The following EPHA4 variants were observed in gnomAD, a reference collection of about 807,000 sequenced individuals.
EPHA4 encodes the protein EPH receptor A4.
Under a neutral mutation model 108.3 loss-of-function variants are expected in EPHA4, and 19 were observed. That is an observed-to-expected ratio of 0.18 (90% CI 0.12 to 0.26). EPHA4 has a LOEUF of 0.26. Ranked by LOEUF, EPHA4 falls within the 10% of genes least tolerant of loss-of-function variation. The pLI is 1.00. For synonymous variants in EPHA4, 449 were observed against 455.5 expected (o/e 0.99, Z 0.18); for missense variants, 917 against 1,254.0 (o/e 0.73, Z 4.06).
At chr2:221,423,678 A>G (rs1442825852) in intron 17 of EPHA4, among the ~76,000 whole-genome samples, 1 of 152,174 alleles carries the variant, frequency 6.6e-6, no homozygotes, top group Non-Finnish European at 1.5e-5. Context: ...CTATTTCAGA[A>G]TGGACATGTT....
At chr2:221,566,557 T>C in intron 2 of EPHA4, among the ~76,000 whole-genome samples, 1 of 152,056 alleles carries the variant, frequency 6.6e-6, no homozygotes, top group East Asian at 1.9e-4. Flanking sequence ...TGACTAATTC[T>C]TTTATATACA....
chr2:221,435,735 C>T (rs955735371), intron 13 of EPHA4, among the ~76,000 whole-genome samples: 2 of 152,126 alleles, frequency 1.3e-5, no homozygotes, highest in Non-Finnish European at 2.9e-5. Context: ...TCACTGTGTC[C>T]TAATCCCCGC....
intron 16 of EPHA4, 75 bp from the exon 17 acceptor site, chr2:221,426,217 GA>G: frequency 1.5e-6 from 2 of 1,346,946 alleles, no homozygotes; most frequent in Non-Finnish European, 2.1e-6. Context: ...GCTTCATGCA[GA>G]CACACGTTTG....
intron 1 of EPHA4, among the ~76,000 whole-genome samples, chr2:221,570,117 C>T (rs1411138274): frequency 6.6e-6 from 1 of 151,596 alleles, no homozygotes; most frequent in Admixed American, 6.6e-5. Flanking sequence ...ACAATAAGAC[C>T]CAATTTACAA....
intron 5 of EPHA4, among the ~76,000 whole-genome samples, chr2:221,464,118 C>T (rs1691232776): frequency 6.6e-6 from 1 of 152,160 alleles, no homozygotes; most frequent in South Asian, 2.1e-4. Flanking sequence ...CCAGTGTTTG[C>T]AGGAGAGATG....
intron 3 of EPHA4, among the ~76,000 whole-genome samples, chr2:221,558,508 A>G (rs1694366281): frequency 6.6e-6 from 1 of 152,148 alleles, no homozygotes; most frequent in Admixed American, 6.5e-5. Context: ...CCTGCTTTGC[A>G]CAGCAGTAAC....
At chr2:221,565,030 T>C (rs1453984011) in intron 2 of EPHA4, among the ~76,000 whole-genome samples, 1 of 151,958 alleles carries the variant, frequency 6.6e-6, no homozygotes, top group Admixed American at 6.6e-5. Context: ...ATTTCTCAAA[T>C]ATGCTATCAT....
In EPHA4 at chr2:221,434,672, G is replaced by A. The variant is rs1284477362; in HGVS notation, c.2347-381C>T. 2.6e-5 allele frequency among the ~76,000 whole-genome samples: 4 copies of A among 152,160 alleles called. No individual in the cohort carries two copies. The East Asian group carries it at 7.7e-4, about 29-fold the overall frequency. ...GGATTCTCTCACCCAGGAGCACAAA[G>A]GAAGGCAATGCTTACACTGCTTCAA... On this transcript the variant is annotated intron_variant, in intron 13 of 17. Coordinates refer to ENST00000281821, the MANE Select transcript of EPHA4 (RefSeq NM_004438.5).
At chr2:221,459,287 C>T (rs529413882) in intron 5 of EPHA4, among the ~76,000 whole-genome samples, 20 of 142,110 alleles carry the variant, frequency 1.4e-4, no homozygotes, top group South Asian at 1.2e-3. Flanking sequence ...TGGTAACAGG[C>T]GCACACACAC....
chr2:221,561,428 A>G (rs1159645232), intron 3 of EPHA4, among the ~76,000 whole-genome samples: 2 of 152,158 alleles, frequency 1.3e-5, no homozygotes, highest in Non-Finnish European at 2.9e-5. Flanking sequence ...TTAGCAGAAA[A>G]AAAAGCAAAA....
At chr2:221,510,733 G>A (rs1692803229) in intron 3 of EPHA4, among the ~76,000 whole-genome samples, 1 of 152,216 alleles carries the variant, frequency 6.6e-6, no homozygotes, top group Admixed American at 6.5e-5. Flanking sequence ...AAAGAATGCA[G>A]TGGGGGAGAT....
chr2:221,477,269 G>A (rs1156672440), intron 5 of EPHA4, among the ~76,000 whole-genome samples: 2 of 152,152 alleles, frequency 1.3e-5, no homozygotes, highest in Non-Finnish European at 1.5e-5. Context: ...CCAGAGAAAT[G>A]TGGAATCTTC....
intron 2 of EPHA4, among the ~76,000 whole-genome samples, chr2:221,566,301 A>G (rs1694625475): frequency 6.6e-6 from 1 of 152,194 alleles, no homozygotes; most frequent in Non-Finnish European, 1.5e-5. Flanking sequence ...TCTCAAGTTA[A>G]CAGTGAATAA....
At chr2:221,499,072 G>T (rs971902752) in intron 4 of EPHA4, among the ~76,000 whole-genome samples, 5 of 151,582 alleles carry the variant, frequency 3.3e-5, no homozygotes, top group Admixed American at 3.3e-4. Flanking sequence ...TTATAGGCCT[G>T]AGCTACTGCA....
At chr2:221,512,791 C>T (rs959023285) in intron 3 of EPHA4, among the ~76,000 whole-genome samples, 4 of 152,130 alleles carry the variant, frequency 2.6e-5, no homozygotes, top group African/African-American at 7.2e-5. Flanking sequence ...TAAGCCTTTA[C>T]ATAATAACAG....
At chr2:221,570,031 T>G (rs1694779810) in intron 1 of EPHA4, among the ~76,000 whole-genome samples, 3 of 141,312 alleles carry the variant, frequency 2.1e-5, no homozygotes, top group South Asian at 5.1e-4. Context: ...GCAACCATTC[T>G]CTTCTCTCTG....
Position 221,572,284 on chromosome 2 carries a change from A to G in EPHA4, c.-36T>C, listed in dbSNP as rs2106217869. 1 of 1,552,122 alleles carries G rather than the reference A, an allele frequency of 6.4e-7. No homozygotes were observed. The highest frequency in any genetic ancestry group is 8.9e-7 in the Non-Finnish European group (1 of 1,123,626). ...TGCCAACGCTGCTCCTGCCGCTTCT[A>G]TCCCAGTGGAATAAATGCTTAAGTT... On this transcript the variant is annotated 5_prime_UTR_variant, in exon 1 of 18. Coordinates refer to ENST00000281821, the MANE Select transcript of EPHA4 (RefSeq NM_004438.5).
Position 221,482,393 on chromosome 2 carries a change from G to T in EPHA4, c.1277C>A (p.Pro426Gln). The change falls in exon 5 of 18, where the codon CCA becomes CAA. Residue 426 changes from proline to glutamine, a missense_variant. Physicochemically the swap from Pro to Gln is moderately conservative, Grantham distance 76. Around this residue, in one of 3 missense-constraint regions of EPHA4, gnomAD observed 758 missense variants for 1,076.7 expected, o/e 0.70. Transcript: ENST00000281821. ...CACAGTGACAGAAACTGATTGGTCT[G>T]GGTTAGGGTTATATTTGGACACTCC... ...VNGVSKYNPN[P>Q]DQSVSVTVTT... The T allele has an allele frequency of 6.2e-7, 1 of 1,613,600 alleles. No homozygotes were observed. The highest frequency in any genetic ancestry group is 8.5e-7 in the Non-Finnish European group (1 of 1,179,728).
chr2:221,427,540 T>G (rs62178652), intron 15 of EPHA4, among the ~76,000 whole-genome samples: 27,471 of 152,132 alleles, frequency 0.18, 3,634 homozygotes, highest in African/African-American at 0.37. Context: ...CTTCATGGGG[T>G]TATTTTATAC....
Sources: allele counts gnomAD v4.1 joint callset (sites outside exome capture counted in the v4.1 genomes callset), GRCh38; gene constraint gnomAD v4.1.1; regional missense constraint gnomAD v4.1.1; transcripts MANE v1.5; gene names NCBI Gene and HGNC (gene_info 2026-07-23, HGNC 2026-07-21).